The following NECTIN2 variants were observed in gnomAD, a reference collection of about 807,000 sequenced individuals.
NECTIN2 encodes nectin-2.
In NECTIN2, 23 loss-of-function variants were observed where a neutral mutation model predicts 56.9. That is an observed-to-expected ratio of 0.40 (90% confidence interval 0.29 to 0.57). The LOEUF is 0.57. Among genes scored for constraint, NECTIN2 ranks in the 20% least tolerant of loss-of-function variants. The pLI is 0.38. For missense variants in NECTIN2, 587 were observed against 718.3 expected (o/e 0.82, Z 2.09); for synonymous variants, 302 against 313.8 (o/e 0.96, Z 0.40).
chr19:44,887,995 G>T, intron 8 of NECTIN2, 115 bp from the exon 9 acceptor site: 3 of 1,109,234 alleles, frequency 2.7e-6, no homozygotes, highest in Non-Finnish European at 2.6e-6. Context: ...GGAGTGAGGT[G>T]GCATCTTGTT....
At chr19:44,864,154 G>A (rs1458331761) in intron 1 of NECTIN2, among the ~76,000 whole-genome samples, 1 of 146,388 alleles carries the variant, frequency 6.8e-6, no homozygotes, top group East Asian at 2.1e-4. Context: ...GGGCAACATA[G>A]CGAGACATTG....
intron 5 of NECTIN2, among the ~76,000 whole-genome samples, chr19:44,876,612 G>T (rs1282108080): frequency 6.6e-6 from 1 of 152,108 alleles, no homozygotes; most frequent in Admixed American, 6.5e-5. Context: ...CTCTCAGAGG[G>T]TCTCTGAGCC....
intron 1 of NECTIN2, among the ~76,000 whole-genome samples, chr19:44,860,572 C>T (rs956682056): frequency 2.0e-5 from 3 of 151,870 alleles, no homozygotes; most frequent in African/African-American, 7.3e-5. Flanking sequence ...CTTAAAGCCA[C>T]TGAATTGTAC....
At chr19:44,867,477 G>C (rs964208034) in intron 2 of NECTIN2, among the ~76,000 whole-genome samples, 1 of 152,258 alleles carries the variant, frequency 6.6e-6, no homozygotes, top group South Asian at 2.1e-4. Context: ...CTGGACAAGA[G>C]AGCGAGACCC....
intron 1 of NECTIN2, among the ~76,000 whole-genome samples, chr19:44,847,051 A>T (rs566469052): frequency 6.6e-6 from 1 of 152,198 alleles, no homozygotes; most frequent in East Asian, 1.9e-4. Flanking sequence ...GGTCTCGAGG[A>T]AGAGGCGAGA....
chr19:44,850,471 C>T (rs529032941), intron 1 of NECTIN2, among the ~76,000 whole-genome samples: 9 of 152,184 alleles, frequency 5.9e-5, no homozygotes, highest in Non-Finnish European at 1.0e-4. Flanking sequence ...ACGGCGAAAC[C>T]CTGTCTCTGC....
chr19:44,880,382 G>A (rs1484884603), intron 5 of NECTIN2, among the ~76,000 whole-genome samples: 1 of 150,202 alleles, frequency 6.7e-6, no homozygotes, highest in African/African-American at 2.5e-5. Context: ...CATTAGGAAA[G>A]ACTTGAGAAA....
intron 1 of NECTIN2, among the ~76,000 whole-genome samples, chr19:44,863,922 C>T (rs996324709): frequency 6.7e-6 from 1 of 150,348 alleles, no homozygotes; most frequent in African/African-American, 2.4e-5. Flanking sequence ...AAGTATATTA[C>T]TGAGGGGGGA....
intron 1 of NECTIN2, 117 bp downstream of exon 1, chr19:44,846,730 G>T: frequency 2.5e-6 from 3 of 1,181,662 alleles, no homozygotes; most frequent in Non-Finnish European, 3.3e-6. Context: ...CCCCTCTCGC[G>T]TGCCCCCTTC....
intron 2 of NECTIN2, among the ~76,000 whole-genome samples, chr19:44,869,147 CTCT>C (rs1245802824): frequency 2.0e-5 from 3 of 151,950 alleles, no homozygotes; most frequent in Non-Finnish European, 4.4e-5. Context: ...ACAAACGCCT[CTCT>C]TCTTGTGCAA....
chr19:44,879,798 C>T (rs147007215), intron 5 of NECTIN2, among the ~76,000 whole-genome samples: 156 of 152,248 alleles, frequency 1.0e-3, no homozygotes, highest in African/African-American at 3.6e-3. Context: ...AGGACATGCC[C>T]GTGATGCCCT....
chr19:44,872,079 G>T lies in NECTIN2; in HGVS notation c.705G>T (p.Thr235=). 6.2e-7 allele frequency: 1 copy of T among 1,614,146 alleles called. No homozygotes were observed. Among genetic ancestry groups the T allele is most frequent in the Non-Finnish European group, 8.5e-7 (1 of 1,180,040 alleles). ...CCTCGGGCCGAGCAGATGGTGTCAC[G>T]GTCACCTGCAAAGTGGAGCATGAGA... The part of the protein sequence containing the change: ...LVPSGRADGV[T]VTCKVEHESF... Residue 235 remains threonine (T), a synonymous_variant, in exon 3 of 9, where the codon ACG becomes ACT. Transcript: ENST00000252483.
intron 1 of NECTIN2, among the ~76,000 whole-genome samples, chr19:44,857,562 C>T (rs896049234): frequency 1.5e-4 from 23 of 152,064 alleles, no homozygotes; most frequent in Admixed American, 9.2e-4. Flanking sequence ...CCACCATGCC[C>T]GGGTAATGTT....
intron 1 of NECTIN2, among the ~76,000 whole-genome samples, chr19:44,862,467 A>T (rs75013444): frequency 1.2e-5 from 1 of 81,986 alleles, no homozygotes; most frequent in African/African-American, 4.4e-5. Context: ...CTGGAACAAT[A>T]AAAAAAAAAA....
In NECTIN2 at chr19:44,874,596, A is replaced by C; in HGVS notation, c.1042+118A>C. 7.7e-7 allele frequency: 1 copy of C among 1,305,140 alleles called. No homozygotes were observed. The highest frequency in any genetic ancestry group is 1.1e-6 in the Non-Finnish European group (1 of 941,246). The allele number at this position is 1,305,140 out of a possible 1,614,324, so 80.8% of individuals were successfully genotyped here. A position where few individuals can be genotyped will look rare whatever the true frequency, so the allele number is the denominator to read the frequency against. ...CGCCGCCGACCTGGGAGGGATGCAG[A>C]CCTGCCTGGCTGAGGGGAGATGAGG... On this transcript the variant is annotated intron_variant, in intron 5 of 8. Transcript: ENST00000252483. The surrounding 1 kb of genome is among the most constrained non-coding windows in gnomAD (Gnocchi z 6.3).
intron 5 of NECTIN2, chr19:44,878,943 G>A: frequency 8.8e-7 from 1 of 1,142,396 alleles, no homozygotes; most frequent in Non-Finnish European, 1.1e-6. Context: ...AAAACATCAG[G>A]GGTGTCTTGT....
chr19:44,870,071 T>C lies in NECTIN2; in HGVS notation c.479-1782T>C, dbSNP rs374221317. Among the ~76,000 whole-genome samples, 57 of 152,070 alleles carry C rather than the reference T, an allele frequency of 3.7e-4. No individual in the cohort carries two copies. The East Asian group carries it at 0.01, about 27-fold the overall frequency. ...TCATGATGCGTGAGCCACCAAGGAA[T>C]AGTTGGCCAGAGTCGGCGGTCAGGA... On this transcript the variant is annotated intron_variant, in intron 2 of 8. Coordinates refer to ENST00000252483, the MANE Select transcript of NECTIN2 (RefSeq NM_001042724.2).
chr19:44,852,073 C>A (rs1968905957), intron 1 of NECTIN2, among the ~76,000 whole-genome samples: 1 of 152,154 alleles, frequency 6.6e-6, no homozygotes, highest in Admixed American at 6.6e-5. Context: ...CCGGCGCCTC[C>A]CCCCGAGACC....
intron 3 of NECTIN2, among the ~76,000 whole-genome samples, chr19:44,873,494 G>T (rs535263624): frequency 6.6e-6 from 1 of 152,162 alleles, no homozygotes; most frequent in Non-Finnish European, 1.5e-5. Flanking sequence ...TTAGCTGGAC[G>T]TGGTGGTACA....
Sources: gnomAD v4.1 joint callset for allele counts (sites outside exome capture counted in the v4.1 genomes callset) on GRCh38, gnomAD v4.1.1 for gene constraint, Gnocchi (gnomAD v3.1) non-coding constraint, MANE v1.5 for transcripts, NCBI Gene and HGNC (gene_info 2026-07-23, HGNC 2026-07-21) for gene names.